Variants in FLNB observed in about 807,000 individuals in gnomAD.
The protein encoded by FLNB is filamin B, also known as filamin-B.
In FLNB, 111 loss-of-function variants were observed where a neutral mutation model predicts 250.6. The observed-to-expected ratio is 0.44, with a 90% confidence interval of 0.38 to 0.52. FLNB has a LOEUF of 0.52. Ranked by LOEUF, FLNB falls within the 20% of genes least tolerant of loss-of-function variation. The probability of loss-of-function intolerance (pLI) is 0.00; values close to 1 mark genes in which losing one functional copy is unlikely to be tolerated. For missense variants in FLNB, 2,869 were observed against 3,447.8 expected (o/e 0.83, Z 4.20); for synonymous variants, 1,302 against 1,372.1 (o/e 0.95, Z 1.13).
rs1301245588 is a variant in FLNB, at chr3:58,126,610, G to A, written c.4070G>A (p.Gly1357Glu). Reference sequence around the variant, plus strand: ...TTTTCCACTCTTTCCAGAGGCGCAGGAATTGGTGGGCTTGGCATAACTGTT... The same window carrying A: ...TTTTCCACTCTTTCCAGAGGCGCAGAAATTGGTGGGCTTGGCATAACTGTT... ...NVFTVVTRGA[G>E]IGGLGITVEG... Residue 1357 changes from glycine to glutamate, a missense_variant, in exon 24 of 46, where the codon GGA becomes GAA. By Grantham distance (98) the Gly-to-Glu change is moderately conservative. Around this residue, in one of 5 missense-constraint regions of FLNB, gnomAD observed 1,348 missense variants for 1,466.7 expected, o/e 0.92. Transcript: ENST00000295956. 6.2e-7 allele frequency: 1 copy of A among 1,613,996 alleles called. No individual in the cohort carries two copies. The highest frequency in any genetic ancestry group is 1.1e-5 in the South Asian group (1 of 91,058).
chr3:58,132,676 C>T, intron 25 of FLNB, 132 bp from the exon 26 acceptor site: 1 of 1,124,282 alleles, frequency 8.9e-7, no homozygotes, highest in Admixed American at 1.8e-5. Context: ...ATTATGGTTG[C>T]TGGCCTTTTT....
At chr3:58,148,948 T>C in intron 36 of FLNB, 96 bp downstream of exon 36, 1 of 1,098,136 alleles carries the variant, frequency 9.1e-7, no homozygotes, top group Non-Finnish European at 1.4e-6. Context: ...CTCCTTTTCC[T>C]TTCTGAGCAT....
Position 58,121,411 on chromosome 3 carries a change from G to A in FLNB, c.3034G>A (p.Gly1012Arg). The change falls in exon 20 of 46, where the codon GGG becomes AGG. Residue 1012 changes from glycine (G) to arginine (R), a missense_variant. Gly to Arg is a moderately radical substitution (Grantham distance 125). Around this residue, in one of 5 missense-constraint regions of FLNB, gnomAD observed 1,348 missense variants for 1,466.7 expected, o/e 0.92. Transcript: ENST00000295956. The part of the protein sequence containing the change: ...STAKFIPREE[G>R]LYAVDVTYDG... ...GGCCAAGTTCATCCCTCGGGAGGAG[G>A]GGCTGTATGCTGTAGACGTGACCTA... The A allele has an allele frequency of 6.2e-7, 1 of 1,614,152 alleles. No homozygotes were observed. The highest frequency in any genetic ancestry group is 1.1e-5 in the South Asian group (1 of 91,076).
chr3:58,091,896 C>CTT (rs1215816005), intron 4 of FLNB, among the ~76,000 whole-genome samples: 2 of 152,142 alleles, frequency 1.3e-5, no homozygotes, highest in African/African-American at 4.8e-5. Context: ...CTGGATTTTA[C>CTT]TTTTACAAAC....
At chr3:58,084,832 G>A (rs1324909396) in intron 4 of FLNB, among the ~76,000 whole-genome samples, 2 of 151,804 alleles carry the variant, frequency 1.3e-5, no homozygotes, top group Admixed American at 1.3e-4. Flanking sequence ...CTTATTCTAG[G>A]GACCTCCTAG....
chr3:58,073,747 C>T (rs773989287), intron 1 of FLNB, among the ~76,000 whole-genome samples: 1 of 152,058 alleles, frequency 6.6e-6, no homozygotes, highest in African/African-American at 2.4e-5. Flanking sequence ...ATCTGAATGC[C>T]TAACTAAGGA....
Position 58,121,228 on chromosome 3 carries a change from G to A in FLNB, c.2864-13G>A. ...GGGTCAGCTCTTCACCTCAGCTTGT[G>A]TTTCTTTTCCAGGGGTGGAAGTTGG... On this transcript the variant is annotated splice_polypyrimidine_tract_variant and intron_variant, in intron 19 of 45. Transcript: ENST00000295956. The A allele has an allele frequency of 5.6e-6, 9 of 1,614,172 alleles. No individual in the cohort carries two copies. The highest frequency in any genetic ancestry group is 7.6e-6 in the Non-Finnish European group (9 of 1,180,038).
rs1174053935 is a variant in FLNB at position 58,171,212 on chromosome 3, G to A, written c.*450G>A. On this transcript the variant is annotated 3_prime_UTR_variant, in exon 46 of 46. Transcript: ENST00000295956. This position sits in a 1 kb window ranked among gnomAD's most constrained non-coding sequence, Gnocchi z 5.5. The stretch of plus-strand genomic sequence containing the variant: ...TGGCAAAGGAGATGACTTAAAATCC[G>A]CTTAATCTCTTCCAGTGTCCGTGTT... The A allele has an allele frequency of 4.6e-6, 1 of 218,428 alleles. No individual in the cohort carries two copies. The highest frequency in any genetic ancestry group is 5.3e-5 in the Admixed American group (1 of 18,978). 13.5% of individuals were successfully genotyped at this position (218,428 alleles called of 1,614,324 possible).
intron 1 of FLNB, among the ~76,000 whole-genome samples, chr3:58,051,682 T>G (rs202092882): frequency 3.9e-5 from 2 of 51,164 alleles, no homozygotes; most frequent in Non-Finnish European, 7.1e-5. Context: ...GCAGTTTTTT[T>G]GGGTTTTTTT....
chr3:58,021,783 G>GT (rs1364366366), intron 1 of FLNB, among the ~76,000 whole-genome samples: 8 of 109,532 alleles, frequency 7.3e-5, no homozygotes, highest in East Asian at 7.2e-4. Context: ...TTTTGTTTTT[G>GT]TTTTTTTTGG....
In FLNB at chr3:58,123,596, C is replaced by T. The variant is rs200338407; in HGVS notation, c.3630C>T (p.Gly1210=). Residue 1210 remains glycine, a synonymous_variant, in exon 21 of 46, where the codon GGC becomes GGT. Transcript: ENST00000295956. ...GMYTLTMKYG[G]ELVPHFPARV... is the part of the protein sequence containing the mutation. ...ACACGTTGACCATGAAGTATGGTGG[C>T]GAACTCGTGCCACACTTCCCCGCCC... 8.1e-6 allele frequency: 13 copies of T among 1,611,858 alleles called. No homozygotes were observed. Among genetic ancestry groups the T allele is most frequent in the South Asian group, 2.2e-5 (2 of 90,952 alleles).
intron 6 of FLNB, among the ~76,000 whole-genome samples, chr3:58,096,491 C>T (rs1477238020): frequency 9.3e-5 from 14 of 151,130 alleles, no homozygotes; most frequent in Admixed American, 8.6e-4. Flanking sequence ...GGTGACTACA[C>T]TATAGATGGG....
chr3:58,095,385 A>T (rs2097236707), intron 5 of FLNB, among the ~76,000 whole-genome samples: 1 of 152,124 alleles, frequency 6.6e-6, no homozygotes, highest in African/African-American at 2.4e-5. Context: ...TAACCCAAGT[A>T]ACTGGGATTA....
intron 42 of FLNB, among the ~76,000 whole-genome samples, chr3:58,160,680 A>G (rs1427717168): frequency 6.6e-6 from 1 of 152,146 alleles, no homozygotes; most frequent in Admixed American, 6.5e-5. Context: ...GCCTGGCTGT[A>G]TTTGTATAGT....
chr3:58,156,857 C>T (rs185924111), intron 41 of FLNB, among the ~76,000 whole-genome samples: 9 of 152,264 alleles, frequency 5.9e-5, no homozygotes, highest in East Asian at 5.8e-4. Flanking sequence ...CCATCACACC[C>T]GGCTAATTTT....
chr3:58,111,855 C>T lies in FLNB; in HGVS notation c.2549C>T (p.Ala850Val). The T allele has an allele frequency of 6.2e-7, 1 of 1,614,130 alleles. No homozygotes were observed. Among genetic ancestry groups the T allele is most frequent in the South Asian group, 1.1e-5 (1 of 91,080 alleles). The change falls in exon 17 of 46, where the codon GCA becomes GTA. Residue 850 changes from alanine (A) to valine (V), a missense_variant. Ala to Val is a moderately conservative substitution (Grantham distance 64, BLOSUM62 0). Coordinates refer to ENST00000295956, the MANE Select transcript of FLNB (RefSeq NM_001457.4). ...DPSHDASKVK[A>V]EGPGLSKAGV... ...TCCCACGATGCCAGCAAAGTGAAGG[C>T]AGAAGGCCCAGGGCTCAGCAAAGCA...
At chr3:58,081,571 C>A in intron 3 of FLNB, 58 bp from the exon 4 acceptor site, 2 of 1,556,590 alleles carry the variant, frequency 1.3e-6, no homozygotes, top group Non-Finnish European at 8.9e-7. Context: ...TTTGCAAACA[C>A]TTCAATAGTT....
chr3:58,037,677 T>C (rs973263518), intron 1 of FLNB, among the ~76,000 whole-genome samples: 6 of 152,236 alleles, frequency 3.9e-5, no homozygotes, highest in Non-Finnish European at 8.8e-5. Flanking sequence ...TTTATGACCC[T>C]GGCCCTCCAC....
intron 10 of FLNB, 72 bp from the exon 11 acceptor site, chr3:58,105,008 A>G (rs79200672): frequency 0.039 from 62,002 of 1,591,638 alleles, 1,443 homozygotes; most frequent in South Asian, 0.053. Flanking sequence ...GTGCAAAGGA[A>G]CTGCAGCTTA....
Sources: allele counts gnomAD v4.1 joint callset (sites outside exome capture counted in the v4.1 genomes callset), GRCh38; gene constraint gnomAD v4.1.1; regional missense constraint gnomAD v4.1.1; non-coding constraint Gnocchi (gnomAD v3.1); transcripts MANE v1.5; gene names NCBI Gene and HGNC (gene_info 2026-07-23, HGNC 2026-07-21).